GNAT3: variants seen among roughly 807,000 people sequenced by gnomAD.
GNAT3 encodes the protein G protein subunit alpha transducin 3, also known as guanine nucleotide-binding protein G(t) subunit alpha-3.
GNAT3 carries 31 observed loss-of-function variants against 37.7 expected under a neutral mutation model. The observed-to-expected ratio is 0.82, with a 90% CI of 0.62 to 1.11. The LOEUF is 1.11. Among genes scored for constraint, GNAT3 ranks in the 50% most tolerant of loss-of-function variants. The pLI, the probability that GNAT3 is intolerant of heterozygous loss-of-function variation, is 0.00. For missense variants in GNAT3, 437 were observed against 412.5 expected (o/e 1.06, Z -0.51); for synonymous variants, 138 against 139.8 (o/e 0.99, Z 0.09).
intron 3 of GNAT3, among the ~76,000 whole-genome samples, chr7:80,482,438 GT>G: frequency 6.6e-6 from 1 of 151,778 alleles, no homozygotes; most frequent in South Asian, 2.1e-4. Context: ...CAAATATACT[GT>G]TTCATTTCTT....
At chr7:80,493,224 T>C (rs778174750) in intron 2 of GNAT3, among the ~76,000 whole-genome samples, 2 of 152,122 alleles carry the variant, frequency 1.3e-5, no homozygotes, top group Non-Finnish European at 2.9e-5. Flanking sequence ...TCAAGCATGA[T>C]CACAGCCTGG....
intron 5 of GNAT3, among the ~76,000 whole-genome samples, chr7:80,468,295 TTATAA>T (rs1433418591): frequency 1.3e-5 from 2 of 152,028 alleles, no homozygotes; most frequent in African/African-American, 2.4e-5. Context: ...GAATAGATTA[TTATAA>T]TATAATCTGC....
At chr7:80,461,322 C>G (rs903711852) in intron 7 of GNAT3, among the ~76,000 whole-genome samples, 2 of 151,942 alleles carry the variant, frequency 1.3e-5, no homozygotes, top group Non-Finnish European at 2.9e-5. Flanking sequence ...CCAAGGTGGA[C>G]AGATCACCTG....
rs141183146 is a variant in GNAT3 at position 80,490,611 on chromosome 7, G to A, written c.162-1935C>T. 6.7e-3 allele frequency among the ~76,000 whole-genome samples: 1,022 copies of A among 152,298 alleles called. 10 individuals carry two copies. The highest frequency in any genetic ancestry group is 0.023 in the African/African-American group (954 of 41,566). ...TCATTGTAGGAAGAAAGATCAGTAT[G>A]AGCAAATAGATGCTCACAATTTTCA... On this transcript the variant is annotated intron_variant, in intron 2 of 7. Coordinates refer to ENST00000398291, the MANE Select transcript of GNAT3 (RefSeq NM_001102386.3).
At chr7:80,474,462 C>A (rs1584173870) in intron 4 of GNAT3, 83 bp from the exon 5 acceptor site, 2 of 561,614 alleles carry the variant, frequency 3.6e-6, no homozygotes, top group Non-Finnish European at 6.0e-6. Flanking sequence ...CACATACATA[C>A]ATATATATGT....
At chr7:80,505,428 A>G (rs912353220) in intron 1 of GNAT3, among the ~76,000 whole-genome samples, 6 of 152,250 alleles carry the variant, frequency 3.9e-5, no homozygotes, top group South Asian at 4.1e-4. Context: ...GTGCAGTGGC[A>G]CAATCTCGGC....
intron 5 of GNAT3, among the ~76,000 whole-genome samples, chr7:80,465,486 A>G (rs1790115359): frequency 6.6e-6 from 1 of 152,152 alleles, no homozygotes; most frequent in Non-Finnish European, 1.5e-5. Context: ...TTGCCTAAGA[A>G]TTATTATTTC....
chr7:80,471,920 T>C (rs1235147844), intron 5 of GNAT3, among the ~76,000 whole-genome samples: 1 of 152,016 alleles, frequency 6.6e-6, no homozygotes, highest in Non-Finnish European at 1.5e-5. Flanking sequence ...AGTATAAAGA[T>C]TGTGTATGTA....
intron 1 of GNAT3, among the ~76,000 whole-genome samples, chr7:80,510,436 C>T (rs182987347): frequency 4.9e-4 from 75 of 152,200 alleles, no homozygotes; most frequent in African/African-American, 1.8e-3. Flanking sequence ...TATCACCATT[C>T]TTATGTCATT....
chr7:80,462,491 T>G lies in GNAT3; in HGVS notation c.720+11A>C. On this transcript the variant is annotated intron_variant, in intron 6 of 7. Transcript: ENST00000398291. ...CTTTTAACCCTGGCTTTGTTTTTCC[T>G]TTAGACTTACCACTTCTTCGTCTTC... 1.2e-6 allele frequency: 2 copies of G among 1,612,282 alleles called. No individual in the cohort carries two copies. The highest frequency in any genetic ancestry group is 1.7e-5 in the Admixed American group (1 of 59,702).
chr7:80,481,985 C>A (rs918641575), intron 3 of GNAT3, among the ~76,000 whole-genome samples: 2 of 152,198 alleles, frequency 1.3e-5, no homozygotes, highest in Non-Finnish European at 2.9e-5. Flanking sequence ...CATGTATTGA[C>A]TGATATCTGC....
At chr7:80,502,990 C>G (rs1790864296) in intron 1 of GNAT3, among the ~76,000 whole-genome samples, 2 of 152,054 alleles carry the variant, frequency 1.3e-5, no homozygotes, top group Admixed American at 1.3e-4. Context: ...CCTAATTGTC[C>G]TACCTACCTT....
intron 5 of GNAT3, among the ~76,000 whole-genome samples, chr7:80,466,297 A>G (rs1395948437): frequency 6.6e-6 from 1 of 152,038 alleles, no homozygotes; most frequent in Non-Finnish European, 1.5e-5. Flanking sequence ...CAACCTTTGT[A>G]GTCTCCTTTT....
intron 1 of GNAT3, among the ~76,000 whole-genome samples, chr7:80,500,148 G>C (rs1458071182): frequency 6.6e-6 from 1 of 151,532 alleles, no homozygotes; most frequent in Non-Finnish European, 1.5e-5. Context: ...CTGACATTCT[G>C]CCACCTAGAC....
chr7:80,511,090 G>C (rs1323510082), intron 1 of GNAT3, among the ~76,000 whole-genome samples: 1 of 152,028 alleles, frequency 6.6e-6, no homozygotes, highest in South Asian at 2.1e-4. Flanking sequence ...GAAAAAATCT[G>C]CATATGGATT....
chr7:80,492,031 A>C (rs10250561), intron 2 of GNAT3, among the ~76,000 whole-genome samples: 17,414 of 152,084 alleles, frequency 0.11, 2,684 homozygotes, highest in African/African-American at 0.35. Context: ...ATCATACTTG[A>C]GATTAAAATG....
chr7:80,501,260 G>A (rs950502282), intron 1 of GNAT3, among the ~76,000 whole-genome samples: 10 of 151,810 alleles, frequency 6.6e-5, no homozygotes, highest in African/African-American at 2.4e-4. Flanking sequence ...ATGGAAGCCC[G>A]CATTTTATAC....
Position 80,462,171 on chromosome 7 carries a change from GAA to G in GNAT3, c.860_861del (p.Phe287SerfsTer10), listed in dbSNP as rs770408517. 4 of 1,565,628 alleles carry G rather than the reference GAA, an allele frequency of 2.6e-6. No individual in the cohort carries two copies. The highest frequency in any genetic ancestry group is 3.5e-6 in the Non-Finnish European group (4 of 1,153,428). Reference sequence around the variant, plus strand: ...AAAAAAATCTTACCAGTGTATTCTGGAAAGCAGATACTAAGATGCACCTTGGT... The same window carrying G: ...AAAAAAATCTTACCAGTGTATTCTGGAGCAGATACTAAGATGCACCTTGGT... Reference protein sequence around the residue: ...KVTKVHLSICFPEYTGPNTFE... With the variant: ...KVTKVHLSICXPEYTGPNTFE... On this transcript the variant is annotated frameshift_variant, in exon 7 of 8. Transcript: ENST00000398291. LOFTEE classifies it low-confidence loss of function (END_TRUNC).
At chr7:80,463,123 A>C (rs1340073039) in intron 5 of GNAT3, among the ~76,000 whole-genome samples, 1 of 152,162 alleles carries the variant, frequency 6.6e-6, no homozygotes, top group Non-Finnish European at 1.5e-5. Flanking sequence ...CAAAGATGAA[A>C]AGATATGGTC....
Sources: allele counts gnomAD v4.1 joint callset (sites outside exome capture counted in the v4.1 genomes callset), GRCh38; gene constraint gnomAD v4.1.1; transcripts MANE v1.5; gene names NCBI Gene and HGNC (gene_info 2026-07-23, HGNC 2026-07-21).